The following NLGN1 variants were observed in gnomAD, a reference collection of about 807,000 sequenced individuals.
The protein encoded by NLGN1 is neuroligin-1.
NLGN1 carries 12 observed loss-of-function variants against 65.5 expected under a neutral mutation model. The ratio of observed to expected loss-of-function variants is 0.18; its 90% CI spans 0.12 to 0.30. NLGN1 has a LOEUF of 0.30. Among genes scored for constraint, NLGN1 ranks in the 10% least tolerant of loss-of-function variants. The probability of loss-of-function intolerance (pLI) is 1.00; values close to 1 mark genes in which losing one functional copy is unlikely to be tolerated. For missense variants in NLGN1, 750 were observed against 1,007.1 expected, an observed-to-expected ratio of 0.74 and a Z score of 3.46; for synonymous variants, 350 against 359.5, an observed-to-expected ratio of 0.97 and a Z score of 0.30.
At chr3:173,421,593 C>T (rs1315671938) in intron 1 of NLGN1, among the ~76,000 whole-genome samples, 1 of 151,750 alleles carries the variant, frequency 6.6e-6, no homozygotes, top group Non-Finnish European at 1.5e-5. Flanking sequence ...CAACCTCTGC[C>T]TCCTGGGCTC....
At chr3:173,416,600 T>A (rs1713845571) in intron 1 of NLGN1, among the ~76,000 whole-genome samples, 1 of 152,168 alleles carries the variant, frequency 6.6e-6, no homozygotes. Context: ...CTACATGTAA[T>A]CCTGAGGCTT....
At chr3:173,953,906 G>T (rs892319079) in intron 4 of NLGN1, among the ~76,000 whole-genome samples, 1 of 152,046 alleles carries the variant, frequency 6.6e-6, no homozygotes, top group Non-Finnish European at 1.5e-5. Flanking sequence ...ACTATCAAAA[G>T]TATTCCAATT....
At chr3:174,173,163 G>C (rs1728857259) in intron 4 of NLGN1, among the ~76,000 whole-genome samples, 1 of 151,942 alleles carries the variant, frequency 6.6e-6, no homozygotes, top group Admixed American at 6.6e-5. Context: ...TGTTGATTTT[G>C]TATCCTGCAA....
chr3:173,966,315 A>C (rs1463557688), intron 4 of NLGN1, among the ~76,000 whole-genome samples: 2 of 152,194 alleles, frequency 1.3e-5, no homozygotes, highest in African/African-American at 4.8e-5. Context: ...AGAATCTGAC[A>C]TGTGACTAAT....
At chr3:174,146,259 A>G (rs375390779) in intron 4 of NLGN1, among the ~76,000 whole-genome samples, 3 of 152,138 alleles carry the variant, frequency 2.0e-5, no homozygotes, top group East Asian at 1.9e-4. Flanking sequence ...GCAAATCATC[A>G]TGTTGTACAC....
At chr3:173,935,482 G>C (rs181510647) in intron 4 of NLGN1, among the ~76,000 whole-genome samples, 11 of 151,658 alleles carry the variant, frequency 7.3e-5, no homozygotes, top group South Asian at 2.1e-4. Context: ...TTTTATTGGA[G>C]CCCAGGAGAA....
At chr3:174,246,203 C>T (rs1231573382) in intron 4 of NLGN1, among the ~76,000 whole-genome samples, 1 of 152,150 alleles carries the variant, frequency 6.6e-6, no homozygotes. Context: ...TTAGAAATGG[C>T]AAGATTCCCA....
At chr3:174,083,881 A>G (rs2152554591) in intron 4 of NLGN1, among the ~76,000 whole-genome samples, 1 of 152,312 alleles carries the variant, frequency 6.6e-6, no homozygotes, top group South Asian at 2.1e-4. Context: ...TGGTGGAAAC[A>G]GAGACAGGAC....
intron 4 of NLGN1, among the ~76,000 whole-genome samples, chr3:173,909,260 A>G (rs992036763): frequency 1.3e-5 from 2 of 152,138 alleles, no homozygotes; most frequent in African/African-American, 2.4e-5. Flanking sequence ...TTTGGCACCT[A>G]GAAGAGAAAA....
chr3:174,269,544 C>T (rs1748942535), intron 4 of NLGN1, among the ~76,000 whole-genome samples: 1 of 151,840 alleles, frequency 6.6e-6, no homozygotes, highest in South Asian at 2.1e-4. Context: ...CACAATATTC[C>T]ATCATATGTA....
intron 3 of NLGN1, among the ~76,000 whole-genome samples, chr3:173,726,408 C>T (rs1360680717): frequency 2.6e-5 from 4 of 152,048 alleles, no homozygotes; most frequent in African/African-American, 9.6e-5. Flanking sequence ...TTTAAAATGG[C>T]TGTACCAGTA....
At chr3:174,287,950 C>A (rs2152901827), downstream of NLGN1, among the ~76,000 whole-genome samples, 1 of 151,626 alleles carries the variant, frequency 6.6e-6, no homozygotes, top group Middle Eastern at 3.4e-3. Context: ...TTAGTCATTT[C>A]TTCTTTCAAC....
At chr3:173,446,425 A>G (rs965107500) in intron 2 of NLGN1, among the ~76,000 whole-genome samples, 3 of 152,132 alleles carry the variant, frequency 2.0e-5, no homozygotes, top group African/African-American at 7.2e-5. Flanking sequence ...GTAGTATTCC[A>G]TGGTGTATAT....
At chr3:173,607,618 C>T (rs1751591161) in intron 3 of NLGN1, among the ~76,000 whole-genome samples, 3 of 151,418 alleles carry the variant, frequency 2.0e-5, no homozygotes, top group Admixed American at 1.3e-4. Flanking sequence ...AATTATTTTT[C>T]TACCATGAAG....
intron 2 of NLGN1, among the ~76,000 whole-genome samples, chr3:173,484,087 A>G (rs1727756215): frequency 6.6e-6 from 1 of 152,166 alleles, no homozygotes. Context: ...AAAAGGCTAT[A>G]GGAAATTAAA....
rs544714676 is a variant in NLGN1 at position 173,597,062 on chromosome 3, C to T, written c.-320-7217C>T. Among the ~76,000 whole-genome samples the T allele has an allele frequency of 9.2e-5, 14 of 152,254 alleles. No homozygotes were observed. In the Middle Eastern group the frequency reaches 0.017, roughly 185 times the overall value. The stretch of plus-strand genomic sequence containing the variant: ...GCAAATTATGACTATTAACTAACCC[C>T]GGCAAGCAGATGAGCAGCCTTTTTA... On this transcript the variant is annotated intron_variant, in intron 2 of 6. Coordinates refer to ENST00000457714, the Ensembl canonical transcript of NLGN1.
intron 1 of NLGN1, among the ~76,000 whole-genome samples, chr3:173,408,066 A>G (rs1308417228): frequency 6.6e-6 from 1 of 152,096 alleles, no homozygotes; most frequent in African/African-American, 2.4e-5. Flanking sequence ...GATTCTTCTT[A>G]TCATTTTTGT....
intron 4 of NLGN1, among the ~76,000 whole-genome samples, chr3:174,017,988 G>A (rs948529497): frequency 3.9e-5 from 6 of 152,066 alleles, no homozygotes; most frequent in East Asian, 1.9e-4. Flanking sequence ...ACGGGAGACC[G>A]GGGCTTATTT....
chr3:174,066,111 T>C (rs1428833599), intron 4 of NLGN1, among the ~76,000 whole-genome samples: 1 of 152,226 alleles, frequency 6.6e-6, no homozygotes, highest in African/African-American at 2.4e-5. Context: ...TAATGACATT[T>C]CTGAGATCTT....
Sources: gnomAD v4.1 joint callset for allele counts (sites outside exome capture counted in the v4.1 genomes callset) on GRCh38, gnomAD v4.1.1 for gene constraint, MANE v1.5 for transcripts, NCBI Gene and HGNC (gene_info 2026-07-23, HGNC 2026-07-21) for gene names.